Variants in ZYG11B observed in about 807,000 individuals in gnomAD.
The protein encoded by ZYG11B is protein zyg-11 homolog B.
ZYG11B carries 36 observed loss-of-function variants against 82.4 expected under a neutral mutation model. The observed-to-expected ratio is 0.44, with a 90% CI of 0.33 to 0.58. ZYG11B has a LOEUF of 0.58. Ranked by LOEUF, ZYG11B falls within the 20% of genes least tolerant of loss-of-function variation. The pLI is 0.02. For missense variants in ZYG11B, 552 were observed against 895.6 expected (o/e 0.62, Z 4.90); for synonymous variants, 303 against 312.8 (o/e 0.97, Z 0.33).
chr1:52,735,767 A>G (rs1458425043), intron 1 of ZYG11B, among the ~76,000 whole-genome samples: 2 of 151,966 alleles, frequency 1.3e-5, no homozygotes, highest in Non-Finnish European at 2.9e-5. Flanking sequence ...CGAACTCCTG[A>G]CCTCAAGTGA....
intron 10 of ZYG11B, among the ~76,000 whole-genome samples, chr1:52,811,506 A>G (rs757083097): frequency 2.1e-4 from 32 of 152,150 alleles, no homozygotes; most frequent in Admixed American, 3.3e-4. Flanking sequence ...GGGTCTCCCT[A>G]TGTTGCCCAG....
chr1:52,821,562 A>G lies in ZYG11B; in HGVS notation c.2168A>G (p.Glu723Gly). The G allele has an allele frequency of 1.2e-6, 2 of 1,614,152 alleles. No individual in the cohort carries two copies. The highest frequency in any genetic ancestry group is 1.7e-6 in the Non-Finnish European group (2 of 1,180,020). ...GCTGTGGCCATTCTGGATAGCTTAG[A>G]AAAACACATTGTGCGCCATGGGAGG... ...QIAVAILDSL[E>G]KHIVRHGRPP... The change falls in exon 14 of 14, where the codon GAA becomes GGA. Residue 723 changes from glutamate (E) to glycine (G), a missense_variant. This residue lies in a region of ZYG11B where 127 missense variants were observed against 163.4 expected (regional missense o/e 0.78). Transcript: ENST00000294353.
In ZYG11B at chr1:52,746,876, GT is replaced by G. The variant is rs1406644636; in HGVS notation, c.31-9567del. On this transcript the variant is annotated intron_variant, in intron 1 of 13. Transcript: ENST00000294353. ...GTTAAATCTGGGATTTATTTTTGGA[GT>G]TTTTTTTTTTTTTTGGCGGGTAAGG... is the stretch of plus-strand genomic sequence containing the variant. Among the ~76,000 whole-genome samples, 228 of 128,234 alleles carry G rather than the reference GT, an allele frequency of 1.8e-3. 1 individual carries two copies. Among genetic ancestry groups the G allele is most frequent in the African/African-American group, 2.0e-3 (68 of 34,788 alleles). 84.1% of individuals were successfully genotyped at this position (128,234 alleles called of 152,430 possible). A position where few individuals can be genotyped will look rare whatever the true frequency, so the allele number is the denominator to read the frequency against.
Position 52,726,516 on chromosome 1 carries a change from C to G in ZYG11B, c.-138C>G, listed in dbSNP as rs1644285192. 2.1e-5 allele frequency: 17 copies of G among 794,648 alleles called. No homozygotes were observed. The highest frequency in any genetic ancestry group is 2.8e-5 in the Non-Finnish European group (16 of 578,178). The allele number at this position is 794,648 out of a possible 1,614,324, so 49.2% of individuals were successfully genotyped here. A position where few individuals can be genotyped will look rare whatever the true frequency, so the allele number is the denominator to read the frequency against. On this transcript the variant is annotated 5_prime_UTR_variant, in exon 1 of 14. Transcript: ENST00000294353. ...GGCTGCGGCTGCTACTGCTACGCTC[C>G]TAGCTTGAGGGAAAGAGGCCGAGGC...
intron 1 of ZYG11B, among the ~76,000 whole-genome samples, chr1:52,752,571 A>G (rs575340770): frequency 6.6e-6 from 1 of 152,370 alleles, no homozygotes; most frequent in African/African-American, 2.4e-5. Context: ...TCATATTAGC[A>G]GATTATCAAA....
chr1:52,757,051 A>T (rs7543344), intron 2 of ZYG11B, among the ~76,000 whole-genome samples: 9,718 of 143,504 alleles, frequency 0.068, 1,023 homozygotes, highest in African/African-American at 0.23. Flanking sequence ...TTTTTTTTTT[A>T]AATTTTTTAA....
Position 52,764,156 on chromosome 1 carries a change from G to A in ZYG11B, c.197-6864G>A, listed in dbSNP as rs191439249. On this transcript the variant is annotated intron_variant, in intron 2 of 13. Transcript: ENST00000294353. ...TATTTTATTTTTGAGATGGAGTCTT[G>A]CTCTGTTGCCAGACTGGAGTGCAAT... Among the ~76,000 whole-genome samples, 5 of 152,174 alleles carry A rather than the reference G, an allele frequency of 3.3e-5. No homozygotes were observed. The East Asian group carries it at 9.7e-4, about 29-fold the overall frequency.
rs373978112 is a variant in ZYG11B, at chr1:52,775,243, C to G, written c.951+3469C>G. On this transcript the variant is annotated intron_variant, in intron 3 of 13. Transcript: ENST00000294353. ...TTTGTGTCTTAACTTAGAGCTCTCC[C>G]TTGAAGTCAGACTCCTATATTGAAC... Among the ~76,000 whole-genome samples the G allele has an allele frequency of 3.3e-5, 5 of 152,270 alleles. No homozygotes were observed. The East Asian group carries it at 7.7e-4, about 24-fold the overall frequency.
intron 1 of ZYG11B, among the ~76,000 whole-genome samples, chr1:52,731,758 A>G (rs10128093): frequency 0.038 from 5,739 of 152,234 alleles, 341 homozygotes; most frequent in African/African-American, 0.13. Flanking sequence ...GTGAGAGGGC[A>G]ACTATTTTAG....
At position 52,790,001 on chromosome 1, in the gene ZYG11B, A is replaced by G; in HGVS notation, c.1270-2A>G. The G allele has an allele frequency of 6.4e-7, 1 of 1,571,464 alleles. No individual in the cohort carries two copies. The highest frequency in any genetic ancestry group is 8.7e-7 in the Non-Finnish European group (1 of 1,155,706). The stretch of plus-strand genomic sequence containing the variant: ...GATTTTTTTCTTCCTTTGATTCTTT[A>G]GTTACAGAAGAATTGCCTCCTTTCA... On this transcript the variant is annotated splice_acceptor_variant, in intron 5 of 13. Coordinates refer to ENST00000294353, the MANE Select transcript of ZYG11B (RefSeq NM_024646.3). LOFTEE classifies it high-confidence loss of function.
At chr1:52,806,874 ATT>A (rs112225804) in intron 10 of ZYG11B, among the ~76,000 whole-genome samples, 1 of 146,442 alleles carries the variant, frequency 6.8e-6, no homozygotes, top group Non-Finnish European at 1.5e-5. Flanking sequence ...GTACAATGTA[ATT>A]TTTTTTTTTT....
rs1250239672 is a variant in ZYG11B at position 52,771,410 on chromosome 1, C to T, written c.587C>T (p.Thr196Ile). 1 of 1,614,108 alleles carries T rather than the reference C, an allele frequency of 6.2e-7. No individual in the cohort carries two copies. The highest frequency in any genetic ancestry group is 8.5e-7 in the Non-Finnish European group (1 of 1,180,048). Residue 196 changes from threonine (T) to isoleucine (I), a missense_variant, in exon 3 of 14, where the codon ACC becomes ATC. By Grantham distance (89) the Thr-to-Ile change is moderately conservative (BLOSUM62 -1). Coordinates refer to ENST00000294353, the MANE Select transcript of ZYG11B (RefSeq NM_024646.3). This position sits in a 1 kb window ranked among gnomAD's most constrained non-coding sequence, Gnocchi z 5.4. ...TTAGAGAGCTTGGATATTTCTAACA[C>T]CTCAATCACAGACATCACTGCTCTA... ...PRLESLDISN[T>I]SITDITALLA...
chr1:52,733,679 CAG>C (rs1644353701), intron 1 of ZYG11B, among the ~76,000 whole-genome samples: 2 of 152,106 alleles, frequency 1.3e-5, no homozygotes, highest in Admixed American at 6.6e-5. Flanking sequence ...ATCAATCAAT[CAG>C]AGATATCTTG....
At chr1:52,797,187 TTA>T (rs1276651043) in intron 8 of ZYG11B, among the ~76,000 whole-genome samples, 1 of 78,534 alleles carries the variant, frequency 1.3e-5, no homozygotes, top group South Asian at 3.6e-4. Flanking sequence ...TATTTATATA[TTA>T]TATATAAATT....
intron 10 of ZYG11B, chr1:52,805,171 T>C (rs188691493): frequency 4.6e-4 from 104 of 225,570 alleles, no homozygotes; most frequent in Non-Finnish European, 4.0e-4. Context: ...TAATCTTCAC[T>C]GTACCGTTCC....
chr1:52,806,982 C>T (rs1645146306), intron 10 of ZYG11B, among the ~76,000 whole-genome samples: 2 of 152,114 alleles, frequency 1.3e-5, no homozygotes, highest in East Asian at 1.9e-4. Flanking sequence ...GATTCTCCTG[C>T]CTCAGCCTCC....
intron 3 of ZYG11B, among the ~76,000 whole-genome samples, chr1:52,778,072 G>A (rs552695309): frequency 2.1e-4 from 32 of 152,248 alleles, no homozygotes; most frequent in African/African-American, 6.7e-4. Context: ...TTACAGGCGC[G>A]AGCCACTACA....
At chr1:52,772,692 T>G (rs1644765361) in intron 3 of ZYG11B, 2 of 713,010 alleles carry the variant, frequency 2.8e-6, no homozygotes, top group Non-Finnish European at 5.1e-6. Context: ...TTTTTTTTTC[T>G]TTTGAGACGG....
chr1:52,813,473 A>G (rs1335147275), intron 10 of ZYG11B, 63 bp from the exon 11 acceptor site: 3 of 1,295,032 alleles, frequency 2.3e-6, no homozygotes, highest in Non-Finnish European at 1.1e-6. Flanking sequence ...GCCTAAAAAC[A>G]GTTATCTTAA....
Sources: gnomAD v4.1 joint callset for allele counts (sites outside exome capture counted in the v4.1 genomes callset) on GRCh38, gnomAD v4.1.1 for gene constraint, gnomAD v4.1.1 regional missense constraint, Gnocchi (gnomAD v3.1) non-coding constraint, MANE v1.5 for transcripts, NCBI Gene and HGNC (gene_info 2026-07-23, HGNC 2026-07-21) for gene names.